Variants in CDH13 observed in about 807,000 individuals in gnomAD.
CDH13 encodes cadherin-13.
Under a neutral mutation model 63.8 loss-of-function variants are expected in CDH13, and 24 were observed. The ratio of observed to expected loss-of-function variants is 0.38; its 90% CI spans 0.27 to 0.53. The LOEUF (loss-of-function observed/expected upper bound fraction) is 0.53. Among genes scored for constraint, CDH13 ranks in the 20% least tolerant of loss-of-function variants. The probability of loss-of-function intolerance (pLI) is 0.85; values close to 1 mark genes in which losing one functional copy is unlikely to be tolerated. For missense variants in CDH13, 1,049 were observed against 903.1 expected (o/e 1.16, Z -2.07); for synonymous variants, 503 against 355.3 (o/e 1.42, Z -4.67).
intron 5 of CDH13, among the ~76,000 whole-genome samples, chr16:83,273,239 T>G (rs530931010): frequency 2.6e-5 from 4 of 152,266 alleles, no homozygotes; most frequent in South Asian, 4.1e-4. Context: ...GTGTATAAAT[T>G]GCATGTCACA....
chr16:83,325,092 A>T (rs1348164508), intron 5 of CDH13, among the ~76,000 whole-genome samples: 2 of 152,188 alleles, frequency 1.3e-5, no homozygotes, highest in Non-Finnish European at 2.9e-5. Flanking sequence ...CTTCATCCGC[A>T]ATCTAAATGG....
chr16:83,559,989 A>G (rs1173114355), intron 7 of CDH13, among the ~76,000 whole-genome samples: 1 of 152,184 alleles, frequency 6.6e-6, no homozygotes, highest in Non-Finnish European at 1.5e-5. Context: ...TGCCTGATAC[A>G]TCCCATACTG....
intron 6 of CDH13, among the ~76,000 whole-genome samples, chr16:83,392,354 A>G (rs2091804836): frequency 6.6e-6 from 1 of 152,206 alleles, no homozygotes; most frequent in South Asian, 2.1e-4. Flanking sequence ...GCTATTATAT[A>G]TAACTTATAT....
chr16:83,123,839 C>CT (rs1280163414), intron 3 of CDH13, among the ~76,000 whole-genome samples: 1 of 152,096 alleles, frequency 6.6e-6, no homozygotes, highest in Non-Finnish European at 1.5e-5. Context: ...TATAAGCATT[C>CT]TTTTTTCTCT....
intron 8 of CDH13, among the ~76,000 whole-genome samples, chr16:83,667,026 GATGGGTGGATGGATGA>G (rs1203919268): frequency 2.7e-4 from 13 of 47,606 alleles, no homozygotes; most frequent in Admixed American, 1.3e-3. Context: ...TGGATGGATG[GATGGGTGGATGGATGA>G]ATGGAAGGAT....
intron 8 of CDH13, among the ~76,000 whole-genome samples, chr16:83,659,248 C>T (rs550979489): frequency 1.0e-3 from 155 of 148,896 alleles, no homozygotes; most frequent in African/African-American, 3.6e-3. Context: ...ATGTCCTCAC[C>T]ACCAGGTCCC....
At chr16:82,835,457 C>G (rs1421336953) in intron 1 of CDH13, among the ~76,000 whole-genome samples, 7 of 152,180 alleles carry the variant, frequency 4.6e-5, no homozygotes, top group Admixed American at 4.6e-4. Flanking sequence ...AAATATTGTA[C>G]CCACCCAGCA....
intron 7 of CDH13, among the ~76,000 whole-genome samples, chr16:83,550,851 G>T (rs962190438): frequency 1.3e-5 from 2 of 152,072 alleles, no homozygotes; most frequent in African/African-American, 4.8e-5. Context: ...CTGACAGTAA[G>T]CCTAACCTCT....
chr16:82,750,001 G>T (rs1038002035), intron 1 of CDH13, among the ~76,000 whole-genome samples: 3 of 152,160 alleles, frequency 2.0e-5, no homozygotes, highest in African/African-American at 7.2e-5. Context: ...ATTCCTGGGT[G>T]GGGCCAAAGA....
chr16:83,251,430 T>G (rs1297509284), intron 5 of CDH13, among the ~76,000 whole-genome samples: 2 of 152,186 alleles, frequency 1.3e-5, no homozygotes. Context: ...ATTAAGGGAT[T>G]TGCACAGTTA....
intron 1 of CDH13, among the ~76,000 whole-genome samples, chr16:82,741,225 C>T (rs2033916807): frequency 6.6e-6 from 1 of 152,212 alleles, no homozygotes; most frequent in South Asian, 2.1e-4. Flanking sequence ...TTTACAATAA[C>T]CTTCACAGTG....
intron 6 of CDH13, among the ~76,000 whole-genome samples, chr16:83,435,442 G>T (rs975602001): frequency 2.0e-5 from 3 of 152,082 alleles, no homozygotes; most frequent in Non-Finnish European, 4.4e-5. Flanking sequence ...GCTCCCCGTT[G>T]CCCCAAAGCA....
chr16:82,926,287 A>G (rs1204154733), intron 2 of CDH13, among the ~76,000 whole-genome samples: 2 of 151,810 alleles, frequency 1.3e-5, no homozygotes, highest in African/African-American at 2.4e-5. Flanking sequence ...TTATTTCCAA[A>G]AAAAAAAAAG....
intron 6 of CDH13, among the ~76,000 whole-genome samples, chr16:83,461,775 T>A (rs1447473178): frequency 6.6e-6 from 1 of 152,208 alleles, no homozygotes; most frequent in African/African-American, 2.4e-5. Flanking sequence ...GATCAGCTTG[T>A]AAGTTTGTAG....
At chr16:83,428,578 G>A (rs2071989093) in intron 6 of CDH13, among the ~76,000 whole-genome samples, 1 of 152,168 alleles carries the variant, frequency 6.6e-6, no homozygotes, top group Admixed American at 6.5e-5. Context: ...ATGGTAATAA[G>A]TGCTAGCCCA....
chr16:83,652,313 C>G (rs369855627), intron 8 of CDH13, among the ~76,000 whole-genome samples: 2 of 152,340 alleles, frequency 1.3e-5, no homozygotes, highest in African/African-American at 2.4e-5. Flanking sequence ...GAAGGTTTCT[C>G]TTGTCCTTGT....
chr16:82,671,387 A>C (rs1265805812), intron 1 of CDH13, among the ~76,000 whole-genome samples: 1 of 152,218 alleles, frequency 6.6e-6, no homozygotes, highest in Non-Finnish European at 1.5e-5. Context: ...TAAGCCAATC[A>C]ACAAGACTTG....
intron 2 of CDH13, among the ~76,000 whole-genome samples, chr16:82,907,682 G>C (rs533153705): frequency 3.3e-5 from 5 of 152,188 alleles, no homozygotes; most frequent in Non-Finnish European, 5.9e-5. Flanking sequence ...TCCAACTGGA[G>C]GAAGAGGTTC....
chr16:82,885,462 C>T (rs1205368581), intron 2 of CDH13, among the ~76,000 whole-genome samples: 3 of 51,450 alleles, frequency 5.8e-5, no homozygotes, highest in African/African-American at 1.0e-4. Context: ...CATTCATCCA[C>T]CTACCCATCC....
Sources: gnomAD v4.1 joint callset for allele counts (sites outside exome capture counted in the v4.1 genomes callset) on GRCh38, gnomAD v4.1.1 for gene constraint, MANE v1.5 for transcripts, NCBI Gene and HGNC (gene_info 2026-07-23, HGNC 2026-07-21) for gene names.